BRWD1: variants seen among roughly 807,000 people sequenced by gnomAD.
BRWD1 encodes the protein bromodomain and WD repeat domain containing 1.
In BRWD1, 82 loss-of-function variants were observed where a neutral mutation model predicts 251.2. That is an observed-to-expected ratio of 0.33 (90% CI 0.27 to 0.39). The LOEUF (loss-of-function observed/expected upper bound fraction) is 0.39, where lower values mean the gene tolerates loss of function less well. BRWD1 is among the 10% of genes least tolerant of loss of function. The pLI, the probability that BRWD1 is intolerant of heterozygous loss-of-function variation, is 1.00. For synonymous variants in BRWD1, 918 were observed against 902.8 expected (o/e 1.02, Z -0.30); for missense variants, 2,233 against 2,711.6 (o/e 0.82, Z 3.92).
chr21:39,272,312 A>AG (rs1028977413), intron 13 of BRWD1, among the ~76,000 whole-genome samples: 5 of 149,606 alleles, frequency 3.3e-5, no homozygotes, highest in African/African-American at 1.2e-4. Flanking sequence ...AAATAAATAA[A>AG]AAAAAAAAAA....
At position 39,209,944 on chromosome 21, in the gene BRWD1, T is replaced by C. The variant is rs1244786283; in HGVS notation, c.4197+51A>G. 3.9e-6 allele frequency: 6 copies of C among 1,544,348 alleles called. No individual in the cohort carries two copies. The South Asian group carries it at 6.0e-5, about 15-fold the overall frequency. On this transcript the variant is annotated intron_variant, in intron 36 of 40. Transcript: ENST00000342449. ...AAAAAATTACTATTACATTGGAAAA[T>C]TATCTACACAGATCAGGCAGTTTTT...
In BRWD1 at chr21:39,278,743, C is replaced by T; in HGVS notation, c.1003G>A (p.Gly335Ser). 2 of 1,572,752 alleles carry T rather than the reference C, an allele frequency of 1.3e-6. No individual in the cohort carries two copies. Among genetic ancestry groups the T allele is most frequent in the Non-Finnish European group, 1.7e-6 (2 of 1,164,456 alleles). Residue 335 changes from glycine to serine, a missense_variant and splice_region_variant, in exon 10 of 41, where the codon GGT (glycine) becomes AGT (serine). Around this residue, in one of 12 missense-constraint regions of BRWD1, gnomAD observed 315 missense variants for 421.8 expected, o/e 0.75. Transcript: ENST00000342449. ...GAAAAAAATGTGAAGAAGTTCTTAC[C>T]AACACTAAAAGAAGAACAAAGCATT... is the stretch of plus-strand genomic sequence containing the variant. ...VQMLCSSFSV[G>S]GMFLATGSTD...
intron 17 of BRWD1, among the ~76,000 whole-genome samples, chr21:39,261,659 C>T (rs754065168): frequency 6.6e-6 from 1 of 151,800 alleles, no homozygotes; most frequent in Non-Finnish European, 1.5e-5. Context: ...GCAAACCACA[C>T]ATTGACAATT....
At chr21:39,313,679 GAA>G (rs1271702736), upstream of BRWD1, 109 of 389,480 alleles carry the variant, frequency 2.8e-4, no homozygotes, top group Non-Finnish European at 4.4e-4. Context: ...CGCGGGAGAC[GAA>G]AAGTAGTCCC....
chr21:39,263,162 T>A (rs1314883458), intron 17 of BRWD1, among the ~76,000 whole-genome samples: 1 of 152,194 alleles, frequency 6.6e-6, no homozygotes, highest in East Asian at 1.9e-4. Flanking sequence ...ATTTTGTATA[T>A]AAAGTACACT....
upstream of BRWD1, chr21:39,314,646 C>T (rs972424899): frequency 3.1e-6 from 1 of 327,598 alleles, no homozygotes; most frequent in Admixed American, 4.2e-5. Context: ...TGCTCTGGCC[C>T]CTAAAGTACA....
At chr21:39,313,895 G>C, upstream of BRWD1, 2 of 322,826 alleles carry the variant, frequency 6.2e-6, no homozygotes, top group Non-Finnish European at 1.2e-5. Flanking sequence ...GGCTGCCCGG[G>C]CTTTGTGAGG....
chr21:39,304,999 G>A (rs989296172), intron 4 of BRWD1, among the ~76,000 whole-genome samples: 9 of 123,278 alleles, frequency 7.3e-5, no homozygotes, highest in Non-Finnish European at 1.3e-4. Flanking sequence ...TTGCTCTGTC[G>A]CCCAGGCTGG....
intron 15 of BRWD1, among the ~76,000 whole-genome samples, chr21:39,267,957 T>C (rs2034976945): frequency 6.6e-6 from 1 of 152,144 alleles, no homozygotes; most frequent in African/African-American, 2.4e-5. Context: ...TGCAAGCACA[T>C]TTACCCACGT....
intron 35 of BRWD1, 136 bp from the exon 36 acceptor site, chr21:39,210,283 G>A (rs2032598023): frequency 1.4e-6 from 1 of 692,738 alleles, no homozygotes; most frequent in Non-Finnish European, 2.3e-6. Flanking sequence ...CATTAGTAAT[G>A]TTTAAAAAGA....
rs1568879614 is a variant in BRWD1, at chr21:39,218,234, T to C, written c.3577A>G (p.Thr1193Ala). 2 of 1,611,602 alleles carry C rather than the reference T, an allele frequency of 1.2e-6. No homozygotes were observed. Among genetic ancestry groups the C allele is most frequent in the Non-Finnish European group, 1.7e-6 (2 of 1,179,420 alleles). The change falls in exon 31 of 41, where the codon ACA becomes GCA. Residue 1193 changes from threonine to alanine, a missense_variant. Coordinates refer to ENST00000342449, the MANE Select transcript of BRWD1 (RefSeq NM_033656.4). ...AAFAGPVDLC[T>A]YPKYCTVVAY... ...ACTACAGTACAGTACTTCGGGTATG[T>C]ACACAAATCAACAGGGCCTGCAAAA...
rs188847281 is a variant in BRWD1 at position 39,283,151 on chromosome 21, C to T, written c.832-2903G>A. ...CAGCTCTAAAACATTTTTATATCTC[C>T]AGCATGGCTAAACAATTCTTTGCTC... On this transcript the variant is annotated intron_variant, in intron 8 of 40. Coordinates refer to ENST00000342449, the MANE Select transcript of BRWD1 (RefSeq NM_033656.4). 3.3e-5 allele frequency among the ~76,000 whole-genome samples: 5 copies of T among 152,232 alleles called. No individual in the cohort carries two copies. The East Asian group carries it at 9.7e-4, about 29-fold the overall frequency.
At chr21:39,304,675 C>T (rs950922614) in intron 4 of BRWD1, among the ~76,000 whole-genome samples, 14 of 151,606 alleles carry the variant, frequency 9.2e-5, no homozygotes, top group African/African-American at 4.8e-5. Context: ...TAAAACTACA[C>T]GCTGTTTACG....
chr21:39,252,249 C>CAAAAA (rs36017444), intron 19 of BRWD1, among the ~76,000 whole-genome samples: 1 of 122,238 alleles, frequency 8.2e-6, no homozygotes. Context: ...AACTCCGTCT[C>CAAAAA]AAAAAAAAAA....
At chr21:39,241,475 A>T (rs1354298253) in intron 21 of BRWD1, among the ~76,000 whole-genome samples, 18 of 22,652 alleles carry the variant, frequency 7.9e-4, no homozygotes, top group Non-Finnish European at 1.7e-3. Flanking sequence ...CTCCAAAGTA[A>T]AAAAAAAAAA....
rs2036598328 is a variant in BRWD1, at chr21:39,313,589, G to GCGCCTC, written c.-99_-98insGAGGCG. 1.5e-6 allele frequency: 1 copy of GCGCCTC among 650,036 alleles called. No individual in the cohort carries two copies. The allele number at this position is 650,036 out of a possible 1,614,324, so 40.3% of individuals were successfully genotyped here. A position where few individuals can be genotyped will look rare whatever the true frequency, so the allele number is the denominator to read the frequency against. On this transcript the variant is annotated 5_prime_UTR_variant, in exon 1 of 41. Transcript: ENST00000342449. The stretch of plus-strand genomic sequence containing the variant: ...GCTGGCGTCCCCTCTTCTCAGGCGC[G>GCGCCTC]CGCCGCCGCCGCCGCCGCCGCCGCC...
upstream of BRWD1, chr21:39,314,205 C>G: frequency 2.2e-6 from 1 of 455,890 alleles, no homozygotes. Context: ...GAGGGGAACG[C>G]CGCCCGGACC....
At chr21:39,295,988 G>A in intron 6 of BRWD1, 85 bp from the exon 7 acceptor site, 1 of 1,195,962 alleles carries the variant, frequency 8.4e-7, no homozygotes, top group Non-Finnish European at 1.1e-6. Context: ...TTTCTAGAGG[G>A]TCACAAAAAT....
At position 39,191,590 on chromosome 21, in the gene BRWD1, A is replaced by AAT. The variant is rs2031558285; in HGVS notation, c.*4667_*4668dup. The AAT allele has an allele frequency of 1.0e-6, 1 of 984,938 alleles. No homozygotes were observed. The highest frequency in any genetic ancestry group is 1.2e-6 in the Non-Finnish European group (1 of 829,562). The allele number at this position is 984,938 out of a possible 1,614,324, so 61.0% of individuals were successfully genotyped here. On this transcript the variant is annotated 3_prime_UTR_variant, in exon 41 of 41. Coordinates refer to ENST00000342449, the MANE Select transcript of BRWD1 (RefSeq NM_033656.4). Reference sequence around the variant, plus strand: ...TTTTTTGATTGGGATTTTGTAGGTGAATATATAGTTGCAGTCCAAGGACTG... The same window carrying AAT: ...TTTTTTGATTGGGATTTTGTAGGTGAATATATATAGTTGCAGTCCAAGGACTG...
Sources: allele counts gnomAD v4.1 joint callset (sites outside exome capture counted in the v4.1 genomes callset), GRCh38; gene constraint gnomAD v4.1.1; regional missense constraint gnomAD v4.1.1; transcripts MANE v1.5; gene names NCBI Gene and HGNC (gene_info 2026-07-23, HGNC 2026-07-21).